SLC35A3: variants seen among roughly 807,000 people sequenced by gnomAD.
The protein encoded by SLC35A3 is solute carrier family 35 member A3.
Under a neutral mutation model 39.0 loss-of-function variants are expected in SLC35A3, and 26 were observed. That is an observed-to-expected ratio of 0.67 (90% CI 0.49 to 0.92). The LOEUF (loss-of-function observed/expected upper bound fraction) is 0.92, where lower values mean the gene tolerates loss of function less well. Ranked by LOEUF, SLC35A3 falls within the 40% of genes least tolerant of loss-of-function variation. The pLI is 0.00. For synonymous variants in SLC35A3, 135 were observed against 133.1 expected, an observed-to-expected ratio of 1.01 and a Z score of -0.10; for missense variants, 299 against 371.6, an observed-to-expected ratio of 0.80 and a Z score of 1.61.
At chr1:99,981,829 T>A (rs1321107614) in intron 1 of SLC35A3, among the ~76,000 whole-genome samples, 1 of 151,972 alleles carries the variant, frequency 6.6e-6, no homozygotes, top group Non-Finnish European at 1.5e-5. Flanking sequence ...AACATTTAGT[T>A]TTTTAGGACT....
intron 1 of SLC35A3, among the ~76,000 whole-genome samples, chr1:99,988,774 C>T (rs1032572424): frequency 6.7e-6 from 1 of 149,182 alleles, no homozygotes; most frequent in African/African-American, 2.5e-5. Context: ...CTCTCCTATA[C>T]TCTTTTTATT....
intron 1 of SLC35A3, chr1:99,975,024 A>G (rs564592745): frequency 6.6e-6 from 1 of 151,984 alleles, no homozygotes; most frequent in Non-Finnish European, 1.5e-5. Flanking sequence ...GCTCACTGCA[A>G]CTTCCACCTC....
chr1:100,007,335 T>C (rs886712711), intron 4 of SLC35A3, 179 bp downstream of exon 4: 47 of 504,182 alleles, frequency 9.3e-5, no homozygotes, highest in Admixed American at 2.0e-4. Flanking sequence ...GTGTAAGTAA[T>C]ACAGAGGAAT....
chr1:99,974,673 G>T (rs561249292), intron 1 of SLC35A3, among the ~76,000 whole-genome samples: 7 of 152,218 alleles, frequency 4.6e-5, no homozygotes, highest in African/African-American at 1.4e-4. Context: ...TTTTGACTGA[G>T]ATAAGTCTTG....
rs964538725 is a variant in SLC35A3 at position 100,029,997 on chromosome 1, A to G, written c.*7521A>G. On this transcript the variant is annotated 3_prime_UTR_variant, in exon 8 of 8. Transcript: ENST00000533028. Reference sequence around the variant, plus strand: ...AACCTTTTACCTGTACTGCATATTAATAAACAATTTTGAACTAATTTTAAA... The same window carrying G: ...AACCTTTTACCTGTACTGCATATTAGTAAACAATTTTGAACTAATTTTAAA... 1 of 152,184 alleles carries G rather than the reference A, an allele frequency of 6.6e-6. No individual in the cohort carries two copies. Among genetic ancestry groups the G allele is most frequent in the African/African-American group, 2.4e-5 (1 of 41,446 alleles). The allele number at this position is 152,184 out of a possible 1,614,324, so 9.4% of individuals were successfully genotyped here.
At chr1:99,983,034 GATTATA>G (rs1657546543) in intron 1 of SLC35A3, among the ~76,000 whole-genome samples, 1 of 152,024 alleles carries the variant, frequency 6.6e-6, no homozygotes, top group Non-Finnish European at 1.5e-5. Context: ...CATACCCAAA[GATTATA>G]ATTATGGATC....
rs1172782798 is a variant in SLC35A3 at position 100,004,802 on chromosome 1, C to G, written c.343-2232C>G. ...GGAGTGCAGTGGCTGTTCACAGGCA[C>G]AGTTATGGTGCACTGCAGTATCAAA... is the stretch of plus-strand genomic sequence containing the variant. On this transcript the variant is annotated intron_variant, in intron 3 of 7. Transcript: ENST00000533028. Among the ~76,000 whole-genome samples the G allele has an allele frequency of 2.6e-5, 4 of 152,038 alleles. 1 individual carries two copies. Among genetic ancestry groups the G allele is most frequent in the African/African-American group, 9.7e-5 (4 of 41,372 alleles).
At position 99,970,477 on chromosome 1, in the gene SLC35A3, G is replaced by A. The variant is rs1042601155; in HGVS notation, c.-19+315G>A. On this transcript the variant is annotated intron_variant, in intron 1 of 7. Coordinates refer to ENST00000533028, the MANE Select transcript of SLC35A3 (RefSeq NM_012243.3). The stretch of plus-strand genomic sequence containing the variant: ...CAGTGTGTGCCTCAGCGCCTGGTGC[G>A]TGCGGAGCTAGTGACGGGTGGGCCC... The A allele has an allele frequency of 4.1e-6, 5 of 1,207,720 alleles. No homozygotes were observed. In the African/African-American group the frequency reaches 6.1e-5, roughly 15 times the overall value. The allele number at this position is 1,207,720 out of a possible 1,614,324, so 74.8% of individuals were successfully genotyped here.
At chr1:100,012,134 A>G (rs951395219) in intron 5 of SLC35A3, among the ~76,000 whole-genome samples, 4 of 151,992 alleles carry the variant, frequency 2.6e-5, no homozygotes, top group African/African-American at 7.2e-5. Context: ...AATACAAAAA[A>G]TTAGCCAGGC....
intron 1 of SLC35A3, among the ~76,000 whole-genome samples, chr1:99,982,225 C>A (rs561032604): frequency 1.3e-5 from 2 of 151,392 alleles, no homozygotes; most frequent in African/African-American, 4.8e-5. Flanking sequence ...GGCTTTGAAC[C>A]CCTGAGCTCA....
intron 1 of SLC35A3, among the ~76,000 whole-genome samples, chr1:99,991,815 C>T (rs1269627152): frequency 6.6e-6 from 1 of 152,180 alleles, no homozygotes; most frequent in Non-Finnish European, 1.5e-5. Flanking sequence ...GTGGCATGAT[C>T]TCGGCTCACT....
At position 100,004,437 on chromosome 1, in the gene SLC35A3, G is replaced by T. The variant is rs12027391; in HGVS notation, c.343-2597G>T. 3.9e-4 allele frequency among the ~76,000 whole-genome samples: 59 copies of T among 152,224 alleles called. 1 individual carries two copies. In the East Asian group the frequency reaches 0.01, roughly 26 times the overall value. ...TTCCCTCAGCCTCCCAAGTAGCTGG[G>T]CCTACCCATGCACACCACCATGCCT... On this transcript the variant is annotated intron_variant, in intron 3 of 7. Coordinates refer to ENST00000533028, the MANE Select transcript of SLC35A3 (RefSeq NM_012243.3).
Position 100,025,502 on chromosome 1 carries a change from A to C in SLC35A3, c.*3026A>C, listed in dbSNP as rs1229634231. 2 of 152,190 alleles carry C rather than the reference A, an allele frequency of 1.3e-5. No individual in the cohort carries two copies. The highest frequency in any genetic ancestry group is 2.9e-5 in the Non-Finnish European group (2 of 68,018). 9.4% of individuals were successfully genotyped at this position (152,190 alleles called of 1,614,324 possible). ...AAAAATGGACAAAGTAGTCAAATAT[A>C]TTTTCAAAGCACAATTTTATTAGAC... On this transcript the variant is annotated 3_prime_UTR_variant, in exon 8 of 8. Transcript: ENST00000533028.
chr1:100,011,924 T>C (rs1659689800), intron 5 of SLC35A3, among the ~76,000 whole-genome samples: 1 of 151,854 alleles, frequency 6.6e-6, no homozygotes, highest in African/African-American at 2.4e-5. Flanking sequence ...TTCACTGTGT[T>C]AGACAGGATG....
chr1:100,021,208 C>G (rs1219291055), intron 7 of SLC35A3, among the ~76,000 whole-genome samples: 1 of 151,564 alleles, frequency 6.6e-6, no homozygotes, highest in Non-Finnish European at 1.5e-5. Flanking sequence ...ACTAAAAATT[C>G]AAAAAATTAG....
intron 1 of SLC35A3, among the ~76,000 whole-genome samples, chr1:99,973,507 A>C (rs908629370): frequency 3.3e-5 from 5 of 152,170 alleles, no homozygotes; most frequent in African/African-American, 9.7e-5. Flanking sequence ...TTTTATATAT[A>C]AGTGTGAAAA....
At chr1:100,002,149 C>T (rs1658858319) in intron 3 of SLC35A3, among the ~76,000 whole-genome samples, 1 of 152,100 alleles carries the variant, frequency 6.6e-6, no homozygotes, top group African/African-American at 2.4e-5. Flanking sequence ...AGGAAAAATT[C>T]CCTCCATTTG....
chr1:99,981,371 T>C (rs868439292), intron 1 of SLC35A3, among the ~76,000 whole-genome samples: 1 of 152,220 alleles, frequency 6.6e-6, no homozygotes, highest in African/African-American at 2.4e-5. Flanking sequence ...CTAAAAATCA[T>C]AACTTAGGAA....
chr1:100,013,517 G>A (rs1466206620), intron 5 of SLC35A3, among the ~76,000 whole-genome samples: 1 of 151,114 alleles, frequency 6.6e-6, no homozygotes, highest in African/African-American at 2.4e-5. Flanking sequence ...GGAGGCTGAG[G>A]TGGGAGGATC....
Sources: gnomAD v4.1 joint callset for allele counts (sites outside exome capture counted in the v4.1 genomes callset) on GRCh38, gnomAD v4.1.1 for gene constraint, MANE v1.5 for transcripts, NCBI Gene and HGNC (gene_info 2026-07-23, HGNC 2026-07-21) for gene names.